The following HCRTR2 variants were observed in gnomAD, a reference collection of about 807,000 sequenced individuals.
HCRTR2 encodes hypocretin receptor 2, also known as orexin receptor type 2.
A neutral mutation model predicts 49.0 loss-of-function variants in HCRTR2; 22 were observed. The observed-to-expected ratio is 0.45, with a 90% confidence interval of 0.32 to 0.64. The LOEUF (loss-of-function observed/expected upper bound fraction) is 0.64, where lower values mean the gene tolerates loss of function less well. Among genes scored for constraint, HCRTR2 ranks in the 30% least tolerant of loss-of-function variants. The probability of loss-of-function intolerance (pLI) is 0.04; values close to 1 mark genes in which losing one functional copy is unlikely to be tolerated. For synonymous variants in HCRTR2, 236 were observed against 205.3 expected (o/e 1.15, Z -1.28); for missense variants, 491 against 559.4 (o/e 0.88, Z 1.23).
At chr6:55,160,090 A>G (rs968496404) in intron 1 of HCRTR2, among the ~76,000 whole-genome samples, 1 of 152,208 alleles carries the variant, frequency 6.6e-6, no homozygotes, top group Non-Finnish European at 1.5e-5. Flanking sequence ...CCAGAGAGAA[A>G]GGTCGGGTTA....
intron 1 of HCRTR2, among the ~76,000 whole-genome samples, chr6:55,208,319 T>TAAAAAA (rs561714147): frequency 7.9e-6 from 1 of 126,734 alleles, no homozygotes; most frequent in Non-Finnish European, 1.7e-5. Context: ...CTACGAAAAA[T>TAAAAAA]AAAAAAATAA....
chr6:55,127,081 T>G (rs1233099979), intron 1 of HCRTR2, among the ~76,000 whole-genome samples: 1 of 152,046 alleles, frequency 6.6e-6, no homozygotes, highest in Non-Finnish European at 1.5e-5. Flanking sequence ...AGTGATTGGT[T>G]CTGTCTCGCT....
chr6:55,191,246 A>G (rs1407751923), intron 1 of HCRTR2, among the ~76,000 whole-genome samples: 3 of 152,346 alleles, frequency 2.0e-5, no homozygotes, highest in South Asian at 2.1e-4. Flanking sequence ...AGCCAACAAT[A>G]TACTTTTAAA....
rs1301198897 is a variant in HCRTR2, at chr6:55,160,107, A to C, written c.-377-14104A>C. Among the ~76,000 whole-genome samples the C allele has an allele frequency of 3.3e-5, 5 of 152,344 alleles. No homozygotes were observed. In the East Asian group the frequency reaches 7.7e-4, roughly 24 times the overall value. ...AGAGAGAAAGGTCGGGTTACCCACA[A>C]AGGGAAGCCCATCAGACTAACAGTG... On this transcript the variant is annotated intron_variant, in intron 1 of 7. Coordinates refer to the HCRTR2 transcript ENST00000615358.
chr6:55,187,611 C>T (rs530881965), intron 1 of HCRTR2, among the ~76,000 whole-genome samples: 1 of 147,150 alleles, frequency 6.8e-6, no homozygotes, highest in Non-Finnish European at 1.5e-5. Context: ...CATAACTCTT[C>T]AATAAAAGTG....
intron 1 of HCRTR2, among the ~76,000 whole-genome samples, chr6:55,162,483 G>T (rs549315353): frequency 6.4e-4 from 98 of 152,250 alleles, no homozygotes; most frequent in Non-Finnish European, 1.1e-3. Flanking sequence ...GGAAGTTCTG[G>T]CCAGGGCAAT....
intron 1 of HCRTR2, among the ~76,000 whole-genome samples, chr6:55,239,814 G>A (rs1342913306): frequency 2.5e-5 from 3 of 120,468 alleles, no homozygotes; most frequent in Non-Finnish European, 4.8e-5. Context: ...GTCTCACTCT[G>A]TCGCCCAGGC....
chr6:55,175,067 T>A (rs1765015833), intron 1 of HCRTR2, among the ~76,000 whole-genome samples: 2 of 152,018 alleles, frequency 1.3e-5, no homozygotes, highest in South Asian at 4.1e-4. Flanking sequence ...AGCACCTAGA[T>A]TACAAGCGCA....
chr6:55,129,134 T>C (rs1368748695), intron 1 of HCRTR2, among the ~76,000 whole-genome samples: 1 of 152,164 alleles, frequency 6.6e-6, no homozygotes, highest in Non-Finnish European at 1.5e-5. Context: ...TTTATGCTAA[T>C]TATGCAATTT....
rs548851524 is a variant in HCRTR2 at position 55,165,083 on chromosome 6, A to C, written c.-377-9128A>C. Among the ~76,000 whole-genome samples, 340 of 152,322 alleles carry C rather than the reference A, an allele frequency of 2.2e-3. 1 individual carries two copies. Among genetic ancestry groups the C allele is most frequent in the African/African-American group, 7.9e-3 (328 of 41,584 alleles). Reference sequence around the variant, plus strand: ...TGATCCTGCAGAAGAAAGAATTAGTAAATTTGAAAACACTCTATTTGAAAA... The same window carrying C: ...TGATCCTGCAGAAGAAAGAATTAGTCAATTTGAAAACACTCTATTTGAAAA... On this transcript the variant is annotated intron_variant, in intron 1 of 7. Transcript: ENST00000615358.
intron 1 of HCRTR2, among the ~76,000 whole-genome samples, chr6:55,181,736 G>T (rs1765137513): frequency 6.6e-6 from 1 of 152,140 alleles, no homozygotes; most frequent in African/African-American, 2.4e-5. Flanking sequence ...CTTGGGAAAA[G>T]CTTGCAAATT....
At chr6:55,219,326 T>C (rs1395918432) in intron 1 of HCRTR2, among the ~76,000 whole-genome samples, 1 of 152,170 alleles carries the variant, frequency 6.6e-6, no homozygotes, top group Non-Finnish European at 1.5e-5. Context: ...AATTTAAAAA[T>C]ACAGAAATCA....
intron 3 of HCRTR2, among the ~76,000 whole-genome samples, chr6:55,261,392 C>G (rs1218687654): frequency 6.6e-6 from 1 of 151,980 alleles, no homozygotes; most frequent in Non-Finnish European, 1.5e-5. Flanking sequence ...CAATGCAATA[C>G]CACTTTTTTT....
chr6:55,145,288 A>G (rs1346554281), intron 1 of HCRTR2, among the ~76,000 whole-genome samples: 1 of 152,140 alleles, frequency 6.6e-6, no homozygotes, highest in East Asian at 1.9e-4. Flanking sequence ...AAACCAAAAC[A>G]CATTCTTGAC....
chr6:55,164,970 T>C (rs888412027), intron 1 of HCRTR2, among the ~76,000 whole-genome samples: 1 of 152,202 alleles, frequency 6.6e-6, no homozygotes, highest in African/African-American at 2.4e-5. Flanking sequence ...AAAAAGAAGA[T>C]GAAATAATTT....
upstream of HCRTR2, among the ~76,000 whole-genome samples, chr6:55,171,211 G>T (rs191356222): frequency 2.1e-3 from 319 of 152,266 alleles, 2 homozygotes; most frequent in African/African-American, 7.4e-3. Flanking sequence ...GTGCAAAAGT[G>T]TTCCTATTTC....
At chr6:55,137,711 C>T (rs1030428917) in intron 1 of HCRTR2, among the ~76,000 whole-genome samples, 8 of 152,118 alleles carry the variant, frequency 5.3e-5, no homozygotes, top group Non-Finnish European at 1.0e-4. Flanking sequence ...TTATGCCATT[C>T]ACTGAGCCTC....
At chr6:55,124,956 A>G (rs961950666) in intron 1 of HCRTR2, among the ~76,000 whole-genome samples, 1 of 143,350 alleles carries the variant, frequency 7.0e-6, no homozygotes, top group Non-Finnish European at 1.5e-5. Flanking sequence ...TTCACTTTCC[A>G]TGTGCTTGGT....
intron 2 of HCRTR2, among the ~76,000 whole-genome samples, chr6:55,250,913 G>A (rs917146566): frequency 6.6e-6 from 1 of 152,092 alleles, no homozygotes; most frequent in African/African-American, 2.4e-5. Flanking sequence ...AGATCCATTT[G>A]TTACCCCATC....
Sources: allele counts gnomAD v4.1 joint callset (sites outside exome capture counted in the v4.1 genomes callset), GRCh38; gene constraint gnomAD v4.1.1; transcripts MANE v1.5; gene names NCBI Gene and HGNC (gene_info 2026-07-23, HGNC 2026-07-21).